Variants in ANO1 observed in about 807,000 individuals in gnomAD.
ANO1 encodes the protein anoctamin 1, also known as anoctamin-1.
A neutral mutation model predicts 124.0 loss-of-function variants in ANO1; 59 were observed. The observed-to-expected ratio is 0.48, with a 90% CI of 0.39 to 0.59. ANO1 has a LOEUF of 0.59. Among genes scored for constraint, ANO1 ranks in the 20% least tolerant of loss-of-function variants. ANO1 has a pLI of 0.00. For missense variants in ANO1, 1,059 were observed against 1,328.0 expected, an observed-to-expected ratio of 0.80 and a Z score of 3.15; for synonymous variants, 529 against 532.0, an observed-to-expected ratio of 0.99 and a Z score of 0.08.
intron 1 of ANO1, among the ~76,000 whole-genome samples, chr11:70,067,702 T>G (rs1555008806): frequency 6.6e-6 from 1 of 152,170 alleles, no homozygotes; most frequent in Admixed American, 6.5e-5. Flanking sequence ...ACCCGGTGGA[T>G]GCACAGGCAG....
At chr11:70,151,596 T>C (rs2047604114) in intron 12 of ANO1, among the ~76,000 whole-genome samples, 1 of 152,162 alleles carries the variant, frequency 6.6e-6, no homozygotes, top group Admixed American at 6.5e-5. Context: ...TTCCCTGATC[T>C]CCTGACCCTG....
At chr11:70,037,354 T>C (rs1451887412) in intron 1 of ANO1, among the ~76,000 whole-genome samples, 4 of 151,970 alleles carry the variant, frequency 2.6e-5, no homozygotes, top group Non-Finnish European at 4.4e-5. Context: ...TGGGAATAGT[T>C]AATGTATAGG....
At chr11:70,101,231 C>T (rs2045258923) in intron 2 of ANO1, among the ~76,000 whole-genome samples, 1 of 152,058 alleles carries the variant, frequency 6.6e-6, no homozygotes, top group South Asian at 2.1e-4. Flanking sequence ...CGTTCACAGG[C>T]TTCCACCGAG....
At chr11:70,069,999 C>T (rs1426913987) in intron 1 of ANO1, among the ~76,000 whole-genome samples, 8 of 152,224 alleles carry the variant, frequency 5.3e-5, no homozygotes, top group Middle Eastern at 3.4e-3. Flanking sequence ...TCTACATAAG[C>T]GAAGGGATTG....
In ANO1 at chr11:70,174,475, G is replaced by A. The variant is rs117728542; in HGVS notation, c.2350+3436G>A. On this transcript the variant is annotated intron_variant, in intron 22 of 25. Coordinates refer to ENST00000355303, the MANE Select transcript of ANO1 (RefSeq NM_018043.7). ...TGTCGAAAAACAGGCCACCATGGCC[G>A]TCTTTGCACACCCGCTCTCAAGAGC... Among the ~76,000 whole-genome samples, 774 of 152,274 alleles carry A rather than the reference G, an allele frequency of 5.1e-3. 5 individuals carry two copies. Among genetic ancestry groups the A allele is most frequent in the Non-Finnish European group, 6.8e-3 (463 of 68,026 alleles).
intron 2 of ANO1, among the ~76,000 whole-genome samples, chr11:70,091,557 A>G (rs1239731470): frequency 6.6e-6 from 1 of 152,162 alleles, no homozygotes; most frequent in Admixed American, 6.5e-5. Context: ...CCCTGCACTG[A>G]AGGCTGGATG....
At chr11:69,998,329 G>A (rs1347214762) in intron 1 of ANO1, among the ~76,000 whole-genome samples, 2 of 95,458 alleles carry the variant, frequency 2.1e-5, no homozygotes, top group African/African-American at 4.1e-5. Context: ...CAATCCCCCC[G>A]CCCCATTGCC....
At chr11:69,981,997 A>G (rs1855963678), upstream of ANO1, among the ~76,000 whole-genome samples, 1 of 152,230 alleles carries the variant, frequency 6.6e-6, no homozygotes, top group Admixed American at 6.5e-5. Flanking sequence ...ATAGAGACAG[A>G]AGGCAGGCCA....
At chr11:70,000,324 G>T (rs1005635453) in intron 1 of ANO1, among the ~76,000 whole-genome samples, 4 of 151,968 alleles carry the variant, frequency 2.6e-5, no homozygotes, top group East Asian at 1.9e-4. Context: ...GATGGGCCGG[G>T]GGGGGATGCA....
At chr11:69,983,803 G>C (rs563486564), upstream of ANO1, among the ~76,000 whole-genome samples, 7 of 152,296 alleles carry the variant, frequency 4.6e-5, no homozygotes, top group African/African-American at 1.7e-4. Context: ...GGTTTCATCC[G>C]AACGCAACTT....
In ANO1 at chr11:70,105,738, G is replaced by C; in HGVS notation, c.697G>C (p.Asp233His). ...TCCTTCCCGATATTTCCACAGATTT[G>C]ACTTGTCTGATAAGGATTCCTTTTT... The part of the protein sequence containing the change: ...PFSREKQHLF[D>H]LSDKDSFFDS... The change falls in exon 5 of 26, where the codon GAC becomes CAC. Residue 233 changes from aspartate (D) to histidine (H), a missense_variant. Asp to His is a moderately conservative substitution (Grantham distance 81, BLOSUM62 -1). Coordinates refer to ENST00000355303, the MANE Select transcript of ANO1 (RefSeq NM_018043.7). 2.5e-6 allele frequency: 4 copies of C among 1,613,622 alleles called. No individual in the cohort carries two copies. The highest frequency in any genetic ancestry group is 3.4e-6 in the Non-Finnish European group (4 of 1,179,716).
the ANO1 span, among the ~76,000 whole-genome samples, chr11:69,979,386 T>C: frequency 6.6e-6 from 1 of 152,184 alleles, no homozygotes; most frequent in African/African-American, 2.4e-5. Context: ...CTAGAATCAG[T>C]TGGACCCGGA....
At chr11:70,150,014 A>T in intron 12 of ANO1, 1 of 657,764 alleles carries the variant, frequency 1.5e-6, no homozygotes, top group Non-Finnish European at 2.8e-6. Flanking sequence ...TGTCTGCTGA[A>T]GTGTTTTCAT....
chr11:70,073,292 C>T (rs1249502718), intron 1 of ANO1, among the ~76,000 whole-genome samples: 1 of 152,152 alleles, frequency 6.6e-6, no homozygotes, highest in Non-Finnish European at 1.5e-5. Flanking sequence ...CCTGCAGAGT[C>T]ACTGGGGAGG....
In ANO1 at chr11:70,188,080, C is replaced by T. The variant is rs1048500470; in HGVS notation, c.*76C>T. On this transcript the variant is annotated 3_prime_UTR_variant, in exon 26 of 26. Coordinates refer to ENST00000355303, the MANE Select transcript of ANO1 (RefSeq NM_018043.7). The stretch of plus-strand genomic sequence containing the variant: ...CCCTCTCCCAGGGCAGGCGGCTTCC[C>T]GCTCCCACCAGGGCCCGGTGGGTCC... 182 of 1,486,710 alleles carry T rather than the reference C, an allele frequency of 1.2e-4. No homozygotes were observed. The Middle Eastern group carries it at 1.7e-3, about 14-fold the overall frequency. The allele number at this position is 1,486,710 out of a possible 1,614,324, so 92.1% of individuals were successfully genotyped here.
intron 10 of ANO1, among the ~76,000 whole-genome samples, chr11:70,126,457 A>C (rs565862555): frequency 1.3e-5 from 2 of 152,376 alleles, no homozygotes; most frequent in East Asian, 3.9e-4. Flanking sequence ...GACCATTTTC[A>C]TTCTTTAAAA....
At chr11:70,186,352 G>GGAAGGAAGGA (rs2049120748) in intron 25 of ANO1, among the ~76,000 whole-genome samples, 70 of 126,894 alleles carry the variant, frequency 5.5e-4, no homozygotes, top group African/African-American at 2.2e-3. Flanking sequence ...GAGGGGGAGG[G>GGAAGGAAGGA]AGGAAGGAAG....
intron 5 of ANO1, among the ~76,000 whole-genome samples, chr11:70,106,917 T>C (rs1486802828): frequency 6.6e-6 from 1 of 152,160 alleles, no homozygotes; most frequent in Non-Finnish European, 1.5e-5. Flanking sequence ...ATTTTAGACC[T>C]TTGGCCTGTG....
chr11:70,122,049 CTG>C (rs1491358345), intron 8 of ANO1, among the ~76,000 whole-genome samples: 4 of 134,868 alleles, frequency 3.0e-5, no homozygotes, highest in Non-Finnish European at 6.5e-5. Context: ...CTCTGTCTCT[CTG>C]TCTCTGTCTC....
Sources: allele counts gnomAD v4.1 joint callset (sites outside exome capture counted in the v4.1 genomes callset), GRCh38; gene constraint gnomAD v4.1.1; transcripts MANE v1.5; gene names NCBI Gene and HGNC (gene_info 2026-07-23, HGNC 2026-07-21).